The following MAGI2 variants were observed in gnomAD, a reference collection of about 807,000 sequenced individuals.
MAGI2 encodes membrane associated guanylate kinase, WW and PDZ domain containing 2, also known as membrane-associated guanylate kinase, WW and PDZ domain-containing protein 2.
A neutral mutation model predicts 133.3 loss-of-function variants in MAGI2; 35 were observed. The observed-to-expected ratio is 0.26, with a 90% confidence interval of 0.20 to 0.35. The LOEUF (loss-of-function observed/expected upper bound fraction) is 0.35. Among genes scored for constraint, MAGI2 ranks in the 10% least tolerant of loss-of-function variants. The probability of loss-of-function intolerance (pLI) is 1.00; values close to 1 mark genes in which losing one functional copy is unlikely to be tolerated. For missense variants in MAGI2, 1,636 were observed against 1,863.4 expected, an observed-to-expected ratio of 0.88 and a Z score of 2.25; for synonymous variants, 729 against 710.6, an observed-to-expected ratio of 1.03 and a Z score of -0.41.
intron 2 of MAGI2, among the ~76,000 whole-genome samples, chr7:78,826,852 G>GAT (rs1201288507): frequency 6.6e-6 from 1 of 151,844 alleles, no homozygotes; most frequent in Non-Finnish European, 1.5e-5. Flanking sequence ...TCTAGTTCGC[G>GAT]AAAGTGTGCA....
chr7:78,573,365 A>AATAT (rs58739225), intron 3 of MAGI2, among the ~76,000 whole-genome samples: 656 of 28,970 alleles, frequency 0.023, 31 homozygotes, highest in Non-Finnish European at 0.025. Context: ...GAATCCTGGA[A>AATAT]ATATATATAT....
At chr7:78,400,139 T>A (rs1387306926) in intron 6 of MAGI2, among the ~76,000 whole-genome samples, 1 of 152,190 alleles carries the variant, frequency 6.6e-6, no homozygotes, top group Non-Finnish European at 1.5e-5. Flanking sequence ...ATATAAAATG[T>A]ATGGACCAAT....
At chr7:79,214,173 T>C (rs1389680515) in intron 1 of MAGI2, among the ~76,000 whole-genome samples, 1 of 151,602 alleles carries the variant, frequency 6.6e-6, no homozygotes, top group East Asian at 1.9e-4. Flanking sequence ...ATAAAATATT[T>C]CATGGTAGTA....
intron 9 of MAGI2, among the ~76,000 whole-genome samples, chr7:78,289,415 A>AAAG (rs1796470786): frequency 6.7e-6 from 1 of 150,210 alleles, no homozygotes; most frequent in Admixed American, 6.6e-5. Context: ...AAAAAAGTAA[A>AAAG]AAATGAACAA....
At chr7:79,452,581 T>C (rs1849359760) in intron 1 of MAGI2, among the ~76,000 whole-genome samples, 1 of 152,044 alleles carries the variant, frequency 6.6e-6, no homozygotes, top group African/African-American at 2.4e-5. Flanking sequence ...CACCACCTTC[T>C]CTTCCCAGAC....
intron 8 of MAGI2, chr7:78,345,639 A>T: frequency 5.6e-6 from 2 of 359,396 alleles, no homozygotes; most frequent in Admixed American, 4.4e-5. Flanking sequence ...ATGAGTCTCT[A>T]TGAATCTCTC....
At chr7:78,669,019 G>A (rs1048372316) in intron 2 of MAGI2, among the ~76,000 whole-genome samples, 2 of 152,010 alleles carry the variant, frequency 1.3e-5, no homozygotes, top group South Asian at 2.1e-4. Flanking sequence ...AACTAGAAAA[G>A]CAAGGGCAAA....
At chr7:79,388,592 TTTTATTTTATAATAA>T (rs1844368034) in intron 1 of MAGI2, among the ~76,000 whole-genome samples, 1 of 151,662 alleles carries the variant, frequency 6.6e-6, no homozygotes, top group South Asian at 2.1e-4. Flanking sequence ...TTATTTTTAT[TTTTATTTTATAATAA>T]GAATATTTAG....
chr7:78,289,792 G>A (rs927133117), intron 9 of MAGI2, among the ~76,000 whole-genome samples: 4 of 152,064 alleles, frequency 2.6e-5, no homozygotes, highest in Admixed American at 6.6e-5. Context: ...AGAGAGTAGG[G>A]GCCAATATTC....
intron 7 of MAGI2, among the ~76,000 whole-genome samples, chr7:78,349,529 A>G (rs759082620): frequency 1.3e-5 from 2 of 152,206 alleles, no homozygotes; most frequent in Non-Finnish European, 2.9e-5. Context: ...AGAAAAGTTA[A>G]TGTGCAGCCA....
chr7:79,275,325 T>C (rs1835154521), intron 1 of MAGI2, among the ~76,000 whole-genome samples: 1 of 152,128 alleles, frequency 6.6e-6, no homozygotes, highest in Non-Finnish European at 1.5e-5. Context: ...GGAGAAAGTA[T>C]TAGTTGTCTG....
At chr7:78,879,398 G>A (rs757246094) in intron 2 of MAGI2, among the ~76,000 whole-genome samples, 2 of 152,090 alleles carry the variant, frequency 1.3e-5, no homozygotes, top group Non-Finnish European at 2.9e-5. Context: ...ACCCATCAGT[G>A]CAATCTACTG....
chr7:78,344,044 C>T (rs755539612), intron 8 of MAGI2, 84 bp from the exon 9 acceptor site: 96 of 1,277,692 alleles, frequency 7.5e-5, no homozygotes, highest in Admixed American at 1.9e-4. Flanking sequence ...CCCTGAGCAG[C>T]GACAATCCCA....
chr7:79,200,618 A>G (rs1314388168), intron 1 of MAGI2, among the ~76,000 whole-genome samples: 1 of 151,628 alleles, frequency 6.6e-6, no homozygotes, highest in Non-Finnish European at 1.5e-5. Context: ...CTCAAAAAAA[A>G]AAAAAAGTTT....
At chr7:79,043,282 C>T (rs1320931099) in intron 1 of MAGI2, among the ~76,000 whole-genome samples, 1 of 151,872 alleles carries the variant, frequency 6.6e-6, no homozygotes, top group African/African-American at 2.4e-5. Flanking sequence ...CAGTGGCTCA[C>T]GCCTGTAATC....
intron 1 of MAGI2, among the ~76,000 whole-genome samples, chr7:79,071,415 A>C (rs969103994): frequency 1.3e-5 from 2 of 151,954 alleles, no homozygotes; most frequent in African/African-American, 4.8e-5. Flanking sequence ...CCTAGTCAGG[A>C]TACACGGGGG....
chr7:78,428,840 AT>A (rs1168271542), intron 6 of MAGI2, among the ~76,000 whole-genome samples: 18 of 152,132 alleles, frequency 1.2e-4, no homozygotes, highest in Non-Finnish European at 2.2e-4. Flanking sequence ...CTGCCAAGCT[AT>A]TTTCCAAGGG....
chr7:79,050,663 G>A (rs879311252), intron 1 of MAGI2, among the ~76,000 whole-genome samples: 9 of 152,140 alleles, frequency 5.9e-5, no homozygotes, highest in African/African-American at 1.4e-4. Flanking sequence ...GAACAAAAGC[G>A]TGAGCCATTG....
chr7:78,541,714 A>G (rs1264228976), intron 3 of MAGI2, among the ~76,000 whole-genome samples: 4 of 152,226 alleles, frequency 2.6e-5, no homozygotes, highest in Admixed American at 2.0e-4. Flanking sequence ...ACTCTAGGTC[A>G]TTAGAATGCA....
Sources: allele counts gnomAD v4.1 joint callset (sites outside exome capture counted in the v4.1 genomes callset), GRCh38; gene constraint gnomAD v4.1.1; transcripts MANE v1.5; gene names NCBI Gene and HGNC (gene_info 2026-07-23, HGNC 2026-07-21).